MROH9: variants seen among roughly 807,000 people sequenced by gnomAD.
MROH9 encodes the protein maestro heat like repeat family member 9, also known as maestro heat-like repeat-containing protein family member 9.
In MROH9, 92 loss-of-function variants were observed where a neutral mutation model predicts 98.2. The ratio of observed to expected loss-of-function variants is 0.94; its 90% CI spans 0.79 to 1.11. MROH9 has a LOEUF of 1.11. MROH9 is among the 50% of genes most tolerant of loss of function. MROH9 has a pLI of 0.00. For synonymous variants in MROH9, 397 were observed against 368.9 expected, an observed-to-expected ratio of 1.08 and a Z score of -0.87; for missense variants, 1,057 against 1,014.8, an observed-to-expected ratio of 1.04 and a Z score of -0.57.
intron 20 of MROH9, among the ~76,000 whole-genome samples, chr1:171,026,689 T>A (rs1252293987): frequency 6.6e-6 from 1 of 151,982 alleles, no homozygotes; most frequent in Non-Finnish European, 1.5e-5. Flanking sequence ...TAAGTAATTT[T>A]AAAAAAGAAA....
At chr1:170,951,029 T>C (rs1037303714) in intron 3 of MROH9, among the ~76,000 whole-genome samples, 1 of 152,030 alleles carries the variant, frequency 6.6e-6, no homozygotes, top group African/African-American at 2.4e-5. Flanking sequence ...AATGAATAAA[T>C]TGAAAGATGT....
At chr1:171,052,984 T>C (rs1653717344) in intron 20 of MROH9, among the ~76,000 whole-genome samples, 1 of 152,152 alleles carries the variant, frequency 6.6e-6, no homozygotes, top group South Asian at 2.1e-4. Context: ...GTGGGGCTCA[T>C]TCTCCTGACT....
At chr1:171,010,438 T>C (rs776114877) in intron 15 of MROH9, among the ~76,000 whole-genome samples, 9 of 152,166 alleles carry the variant, frequency 5.9e-5, no homozygotes, top group Non-Finnish European at 1.0e-4. Flanking sequence ...TTATAATCCT[T>C]TGGGTATATA....
At chr1:171,015,098 T>C (rs926003397) in intron 16 of MROH9, 2 of 470,458 alleles carry the variant, frequency 4.3e-6, no homozygotes, top group African/African-American at 4.0e-5. Flanking sequence ...GTTCTATAAA[T>C]CATTACTTTT....
intron 17 of MROH9, among the ~76,000 whole-genome samples, chr1:171,018,130 A>G (rs1391072480): frequency 6.6e-6 from 1 of 152,090 alleles, no homozygotes. Context: ...GAAACCCTAT[A>G]CAGGAGTGAG....
intron 20 of MROH9, among the ~76,000 whole-genome samples, 159 bp from the exon 21 acceptor site, chr1:171,061,973 C>T (rs1654028924): frequency 6.6e-6 from 1 of 152,006 alleles, no homozygotes; most frequent in African/African-American, 2.4e-5. Flanking sequence ...TTTCAATAAA[C>T]AATTTTATGA....
intron 8 of MROH9, among the ~76,000 whole-genome samples, chr1:170,979,504 C>CAT (rs1357139456): frequency 6.6e-6 from 1 of 152,080 alleles, no homozygotes; most frequent in African/African-American, 2.4e-5. Context: ...ATCTATACTT[C>CAT]ATATATATTC....
intron 17 of MROH9, among the ~76,000 whole-genome samples, chr1:171,023,929 G>A (rs1652605111): frequency 6.6e-6 from 1 of 152,074 alleles, no homozygotes; most frequent in Non-Finnish European, 1.5e-5. Context: ...TTCAGCTGCT[G>A]GCAACCTAGG....
intron 20 of MROH9, among the ~76,000 whole-genome samples, chr1:171,043,764 T>C (rs1174365690): frequency 6.6e-6 from 1 of 152,098 alleles, no homozygotes; most frequent in Non-Finnish European, 1.5e-5. Flanking sequence ...GATTCAAATT[T>C]TTTTCACATT....
At chr1:170,949,583 T>C (rs1000627772) in intron 3 of MROH9, among the ~76,000 whole-genome samples, 1 of 152,082 alleles carries the variant, frequency 6.6e-6, no homozygotes, top group African/African-American at 2.4e-5. Flanking sequence ...TGAGGGCGGA[T>C]GGCTGTTGGG....
At position 171,002,436 on chromosome 1, in the gene MROH9, G is replaced by A. The variant is rs189950478; in HGVS notation, c.1596+4162G>A. 1.1e-3 allele frequency among the ~76,000 whole-genome samples: 161 copies of A among 152,254 alleles called. 1 individual carries two copies. Among genetic ancestry groups the A allele is most frequent in the African/African-American group, 3.7e-3 (153 of 41,568 alleles). On this transcript the variant is annotated intron_variant, in intron 15 of 21. Transcript: ENST00000367759. ...TTTAGAGCTCCTTTTAGCAGTTCTT[G>A]TAGTGGTAGCTTGGTAATGGCAAAT...
chr1:171,002,375 T>C (rs1200495195), intron 15 of MROH9, among the ~76,000 whole-genome samples: 1 of 152,172 alleles, frequency 6.6e-6, no homozygotes, highest in Admixed American at 6.5e-5. Context: ...TTTAAAGAGG[T>C]TCTGTTTTCA....
intron 11 of MROH9, 93 bp downstream of exon 11, chr1:170,990,096 G>T (rs570669210): frequency 3.0e-5 from 39 of 1,292,024 alleles, no homozygotes; most frequent in Non-Finnish European, 4.1e-5. Context: ...ATCTACCATA[G>T]TCAGGCCTGG....
chr1:170,936,300 T>C (rs1287843768), intron 1 of MROH9, among the ~76,000 whole-genome samples: 1 of 152,256 alleles, frequency 6.6e-6, no homozygotes, highest in East Asian at 1.9e-4. Context: ...GCAAGAGAGT[T>C]GATGATAAAA....
At chr1:171,013,883 AC>A (rs1652241436) in intron 15 of MROH9, among the ~76,000 whole-genome samples, 3 of 107,936 alleles carry the variant, frequency 2.8e-5, no homozygotes, top group African/African-American at 7.3e-5. Context: ...ATACACACAC[AC>A]ACACACACAC....
intron 20 of MROH9, among the ~76,000 whole-genome samples, chr1:171,049,759 C>T (rs1033930128): frequency 2.0e-5 from 3 of 151,972 alleles, no homozygotes; most frequent in Non-Finnish European, 2.9e-5. Context: ...ACAGCTCACA[C>T]AGCCTCGACC....
rs545590613 is a variant in MROH9 at position 170,969,890 on chromosome 1, G to T, written c.481-1858G>T. ...CTCAAAGTCTCATCTTAGAGGAGGG[G>T]TAACTGTGGTTGTCACGCTTCTGAA... On this transcript the variant is annotated intron_variant, in intron 7 of 21. Coordinates refer to ENST00000367759, the MANE Select transcript of MROH9 (RefSeq NM_001163629.2). Among the ~76,000 whole-genome samples, 339 of 152,234 alleles carry T rather than the reference G, an allele frequency of 2.2e-3. 1 individual carries two copies. The highest frequency in any genetic ancestry group is 6.8e-3 in the Middle Eastern group (2 of 294).
intron 3 of MROH9, among the ~76,000 whole-genome samples, chr1:170,954,406 G>A (rs543582335): frequency 2.6e-5 from 4 of 152,104 alleles, no homozygotes; most frequent in African/African-American, 9.6e-5. Context: ...ATCTATCAGA[G>A]GACACTTAGG....
At chr1:170,958,653 A>G (rs141708672) in intron 4 of MROH9, 113 bp downstream of exon 4, 1 of 704,108 alleles carries the variant, frequency 1.4e-6, no homozygotes, top group East Asian at 2.6e-5. Flanking sequence ...CTTCACCATC[A>G]TAATTTGGTG....
Sources: gnomAD v4.1 joint callset for allele counts (sites outside exome capture counted in the v4.1 genomes callset) on GRCh38, gnomAD v4.1.1 for gene constraint, MANE v1.5 for transcripts, NCBI Gene and HGNC (gene_info 2026-07-23, HGNC 2026-07-21) for gene names.